SAMSN1: variants seen among roughly 807,000 people sequenced by gnomAD.
The protein encoded by SAMSN1 is SAM domain-containing protein SAMSN-1.
In SAMSN1, 31 loss-of-function variants were observed where a neutral mutation model predicts 42.0. That is an observed-to-expected ratio of 0.74 (90% confidence interval 0.55 to 1.00). SAMSN1 has a LOEUF of 1.00. Ranked by LOEUF, SAMSN1 falls within the 50% of genes least tolerant of loss-of-function variation. The pLI, the probability that SAMSN1 is intolerant of heterozygous loss-of-function variation, is 0.00. For synonymous variants in SAMSN1, 178 were observed against 151.9 expected (o/e 1.17, Z -1.26); for missense variants, 464 against 439.4 (o/e 1.06, Z -0.50).
chr21:14,582,390 T>C (rs1324180839), exon 2 of SAMSN1: 1 of 1,550,280 alleles, frequency 6.5e-7, no homozygotes, highest in Non-Finnish European at 8.7e-7. Context: ...TCCAATCTAA[T>C]CTCCATTTCT....
chr21:14,587,860 T>TGCACCCATTAACTAGTCATTTA (rs1981968131), upstream of SAMSN1, among the ~76,000 whole-genome samples: 2 of 151,254 alleles, frequency 1.3e-5, no homozygotes, highest in Non-Finnish European at 2.9e-5. Flanking sequence ...GCTGGTGCGC[T>TGCACCCATTAACTAGTCATTTA]GCATTAGGTA....
At chr21:14,542,721 G>C (rs903244519) in intron 1 of SAMSN1, among the ~76,000 whole-genome samples, 4 of 152,124 alleles carry the variant, frequency 2.6e-5, no homozygotes, top group Non-Finnish European at 4.4e-5. Flanking sequence ...GAGATGGGAA[G>C]ATCACTTGAA....
chr21:14,638,320 T>C (rs760813795), intron 2 of SAMSN1, among the ~76,000 whole-genome samples: 2 of 152,170 alleles, frequency 1.3e-5, no homozygotes, highest in Non-Finnish European at 2.9e-5. Context: ...GTTTTACTCA[T>C]TTTTTATATG....
intron 5 of SAMSN1, among the ~76,000 whole-genome samples, chr21:14,607,980 G>A (rs1378351933): frequency 6.6e-6 from 1 of 152,200 alleles, no homozygotes; most frequent in Non-Finnish European, 1.5e-5. Flanking sequence ...CTGAAGGTGT[G>A]GATGCATATA....
chr21:14,509,915 G>A (rs1161125940), intron 5 of SAMSN1, among the ~76,000 whole-genome samples: 4 of 152,118 alleles, frequency 2.6e-5, no homozygotes, highest in Admixed American at 6.5e-5. Flanking sequence ...CGAGGCGGGC[G>A]GATCACGAGG....
At chr21:14,565,968 G>C (rs2822769) in intron 2 of SAMSN1, among the ~76,000 whole-genome samples, 51,475 of 152,120 alleles carry the variant, frequency 0.34, 11,608 homozygotes, top group African/African-American at 0.65. Flanking sequence ...ATAACAGGAA[G>C]ACATAATAAT....
At chr21:14,652,348 G>T (rs936983174) in intron 1 of SAMSN1, among the ~76,000 whole-genome samples, 1 of 151,968 alleles carries the variant, frequency 6.6e-6, no homozygotes, top group Non-Finnish European at 1.5e-5. Context: ...CAGACACACA[G>T]ACCAATGTAA....
chr21:14,541,323 T>TAAAA (rs34794481), intron 1 of SAMSN1, among the ~76,000 whole-genome samples: 1 of 145,260 alleles, frequency 6.9e-6, no homozygotes, highest in African/African-American at 2.5e-5. Context: ...CAAAATCCTG[T>TAAAA]AAAAAAAAAA....
intron 2 of SAMSN1, among the ~76,000 whole-genome samples, chr21:14,642,681 A>G (rs758780745): frequency 2.0e-5 from 3 of 152,230 alleles, no homozygotes; most frequent in Non-Finnish European, 4.4e-5. Context: ...AATAGTTTAT[A>G]GCCTTTAGTA....
rs531692329 is a variant in SAMSN1, at chr21:14,653,659, T to C, written c.24+5089A>G. Among the ~76,000 whole-genome samples the C allele has an allele frequency of 1.7e-3, 260 of 152,186 alleles. 1 individual carries two copies. Among genetic ancestry groups the C allele is most frequent in the African/African-American group, 6.0e-3 (249 of 41,562 alleles). ...AATAATTTAAAGGGTGTAAGTGGAA[T>C]GTTTTTAACTCAAAGGATAAATGCT... On this transcript the variant is annotated intron_variant, in intron 1 of 15. Coordinates refer to the SAMSN1 transcript ENST00000647101.
chr21:14,532,360 A>C (rs1189217882), intron 1 of SAMSN1, among the ~76,000 whole-genome samples: 1 of 152,206 alleles, frequency 6.6e-6, no homozygotes, highest in Non-Finnish European at 1.5e-5. Flanking sequence ...AAGAACAGAC[A>C]TGTTTATGTG....
intron 1 of SAMSN1, among the ~76,000 whole-genome samples, chr21:14,538,383 C>A (rs1450570295): frequency 2.6e-5 from 4 of 152,160 alleles, no homozygotes; most frequent in African/African-American, 9.7e-5. Context: ...AATCCCAAAT[C>A]TTTTAACTTG....
At chr21:14,637,382 A>G (rs766386809) in intron 2 of SAMSN1, among the ~76,000 whole-genome samples, 1 of 152,220 alleles carries the variant, frequency 6.6e-6, no homozygotes, top group Non-Finnish European at 1.5e-5. Flanking sequence ...CTTTAGCTAT[A>G]TTGGCTTAAT....
At chr21:14,633,273 A>T (rs1288918848) in intron 2 of SAMSN1, among the ~76,000 whole-genome samples, 1 of 152,166 alleles carries the variant, frequency 6.6e-6, no homozygotes, top group African/African-American at 2.4e-5. Context: ...CCTGATTAAT[A>T]CAGTGGTGTT....
At chr21:14,624,111 G>A (rs887488406) in intron 2 of SAMSN1, among the ~76,000 whole-genome samples, 4 of 152,000 alleles carry the variant, frequency 2.6e-5, no homozygotes, top group Non-Finnish European at 5.9e-5. Context: ...AGAATCTCTG[G>A]GACACATTTA....
chr21:14,538,916 G>A lies in SAMSN1; in HGVS notation c.57+7289C>T, dbSNP rs567560175. ...TAACGTTTCCCTCAAAAATAACAATGGTACTTGAATCTCCTTTACTCAAAG... is the reference window on the plus strand; with the variant it reads ...TAACGTTTCCCTCAAAAATAACAATAGTACTTGAATCTCCTTTACTCAAAG... On this transcript the variant is annotated intron_variant, in intron 1 of 7. Coordinates refer to ENST00000400566, the MANE Select transcript of SAMSN1 (RefSeq NM_022136.5). 1.3e-4 allele frequency among the ~76,000 whole-genome samples: 20 copies of A among 152,166 alleles called. No individual in the cohort carries two copies. The South Asian group carries it at 2.7e-3, about 21-fold the overall frequency.
chr21:14,530,396 G>C (rs952541537), intron 1 of SAMSN1, among the ~76,000 whole-genome samples: 5 of 151,178 alleles, frequency 3.3e-5, no homozygotes, highest in African/African-American at 1.2e-4. Context: ...AAGTAAGAAA[G>C]GTAGTGGAAC....
At chr21:14,551,242 T>C (rs115198495), upstream of SAMSN1, among the ~76,000 whole-genome samples, 428 of 152,214 alleles carry the variant, frequency 2.8e-3, 1 homozygote, top group African/African-American at 9.6e-3. Context: ...TCCAAAGAGA[T>C]AATGTAACAC....
chr21:14,582,413 G>A lies in SAMSN1; in HGVS notation c.-17C>T, dbSNP rs1348451564. 9 of 1,548,108 alleles carry A rather than the reference G, an allele frequency of 5.8e-6. No homozygotes were observed. In the East Asian group the frequency reaches 9.8e-5, roughly 17 times the overall value. On this transcript the variant is annotated 5_prime_UTR_variant, in exon 2 of 9. Transcript: ENST00000285670. ...AATCTCCATTTCTTCCTTCCTCCTC[G>A]TGCTAACACTATTCACTTTCTTTTC...
Sources: gnomAD v4.1 joint callset for allele counts (sites outside exome capture counted in the v4.1 genomes callset) on GRCh38, gnomAD v4.1.1 for gene constraint, MANE v1.5 for transcripts, NCBI Gene and HGNC (gene_info 2026-07-23, HGNC 2026-07-21) for gene names.